Variants in SPAG16 observed in about 807,000 individuals in gnomAD.
SPAG16 encodes the protein sperm-associated antigen 16 protein.
Under a neutral mutation model 80.4 loss-of-function variants are expected in SPAG16, and 86 were observed. The observed-to-expected ratio is 1.07, with a 90% CI of 0.90 to 1.28. The LOEUF is 1.28. Ranked by LOEUF, SPAG16 falls within the 50% of genes most tolerant of loss-of-function variation. The pLI, the probability that SPAG16 is intolerant of heterozygous loss-of-function variation, is 0.00. For synonymous variants in SPAG16, 294 were observed against 265.9 expected, an observed-to-expected ratio of 1.11 and a Z score of -1.03; for missense variants, 870 against 765.3, an observed-to-expected ratio of 1.14 and a Z score of -1.61.
intron 11 of SPAG16, among the ~76,000 whole-genome samples, chr2:213,909,971 T>C (rs1025677955): frequency 6.6e-6 from 1 of 152,254 alleles, no homozygotes; most frequent in Non-Finnish European, 1.5e-5. Flanking sequence ...TTAATATTTT[T>C]ATGTAATCTA....
intron 13 of SPAG16, among the ~76,000 whole-genome samples, chr2:214,100,176 A>G (rs1481617784): frequency 6.6e-6 from 1 of 151,906 alleles, no homozygotes. Context: ...GCTGCCATGT[A>G]AGACATGCCT....
chr2:213,489,961 A>G lies in SPAG16; in HGVS notation c.943-2A>G, dbSNP rs200831653. The G allele has an allele frequency of 4.4e-6, 7 of 1,595,524 alleles. No homozygotes were observed. The highest frequency in any genetic ancestry group is 1.1e-5 in the South Asian group (1 of 87,114). On this transcript the variant is annotated splice_acceptor_variant, in intron 9 of 15. Transcript: ENST00000331683. LOFTEE classifies it high-confidence loss of function. ...GAGCTCTTGTTTAATTTTTTTCTCT[A>G]GGATTCAGAATTTCCCATAGATATG...
intron 11 of SPAG16, among the ~76,000 whole-genome samples, chr2:213,923,494 G>A (rs1236288699): frequency 6.6e-6 from 1 of 152,204 alleles, no homozygotes; most frequent in Non-Finnish European, 1.5e-5. Context: ...TACTGTCCAG[G>A]TGTTTCCTGG....
chr2:214,149,373 G>T, intron 15 of SPAG16, 107 bp downstream of exon 15: 1 of 1,079,732 alleles, frequency 9.3e-7, no homozygotes, highest in East Asian at 3.9e-5. Flanking sequence ...GTAAATGTCT[G>T]TTCTTAATAT....
intron 15 of SPAG16, among the ~76,000 whole-genome samples, chr2:214,187,081 GA>G (rs1388044305): frequency 6.6e-6 from 1 of 152,084 alleles, no homozygotes; most frequent in Non-Finnish European, 1.5e-5. Flanking sequence ...GTTTCAACAG[GA>G]GGGATAAATA....
At chr2:214,195,303 T>TGATAGATAGATAGATAGATAGATAGACA (rs2057795734) in intron 15 of SPAG16, among the ~76,000 whole-genome samples, 1 of 146,662 alleles carries the variant, frequency 6.8e-6, no homozygotes, top group Admixed American at 6.9e-5. Flanking sequence ...AGATGAGAGA[T>TGATAGATAGATAGATAGATAGATAGACA]GATAGATAGA....
Position 213,485,624 on chromosome 2 carries a change from C to A in SPAG16, c.943-4339C>A, listed in dbSNP as rs568725280. Among the ~76,000 whole-genome samples, 10 of 151,632 alleles carry A rather than the reference C, an allele frequency of 6.6e-5. 2 individuals are homozygous for A. In the South Asian group the frequency reaches 2.1e-3, roughly 32 times the overall value. ...ATCCTTGGAGTGGAAGCAATGTATTCTACTTATATTTGTGACCTAGTAATT... is the reference window on the plus strand; with the variant it reads ...ATCCTTGGAGTGGAAGCAATGTATTATACTTATATTTGTGACCTAGTAATT... On this transcript the variant is annotated intron_variant, in intron 9 of 15. Coordinates refer to ENST00000331683, the MANE Select transcript of SPAG16 (RefSeq NM_024532.5).
chr2:213,924,366 ACT>A (rs1279837653), intron 11 of SPAG16, among the ~76,000 whole-genome samples: 2 of 151,890 alleles, frequency 1.3e-5, no homozygotes, highest in African/African-American at 4.8e-5. Flanking sequence ...GGGAGCTCTC[ACT>A]CTCTCACCCT....
At chr2:213,416,360 G>T (rs1291804352) in intron 9 of SPAG16, among the ~76,000 whole-genome samples, 2 of 152,188 alleles carry the variant, frequency 1.3e-5, no homozygotes, top group Non-Finnish European at 2.9e-5. Context: ...GAGACTCGGG[G>T]TAGGGTCCCA....
chr2:213,626,641 A>AGTTTTTT (rs1213389671), intron 10 of SPAG16, among the ~76,000 whole-genome samples: 2 of 98,980 alleles, frequency 2.0e-5, no homozygotes, highest in African/African-American at 7.9e-5. Context: ...ATCGGGCTCA[A>AGTTTTTT]TTTTTTTTTT....
chr2:214,063,633 A>G (rs2050389931), intron 13 of SPAG16, among the ~76,000 whole-genome samples: 1 of 152,178 alleles, frequency 6.6e-6, no homozygotes, highest in South Asian at 2.1e-4. Context: ...AGGTTTCAAC[A>G]TATGAATTTT....
At position 213,643,390 on chromosome 2, in the gene SPAG16, ATATATATATATATATATATATT is replaced by A. The variant is rs1559337937; in HGVS notation, c.1070+153302_1070+153323del. 1.1e-3 allele frequency among the ~76,000 whole-genome samples: 79 copies of A among 72,612 alleles called. 4 individuals carry two copies. Among genetic ancestry groups the A allele is most frequent in the Middle Eastern group, 6.5e-3 (1 of 154 alleles). 47.6% of individuals were successfully genotyped at this position (72,612 alleles called of 152,430 possible). ...TATATATATATATATATATATATAT[ATATATATATATATATATATATT>A]TTATCTCTTGCTGCTGTTATGATCC... is the stretch of plus-strand genomic sequence containing the variant. On this transcript the variant is annotated intron_variant, in intron 10 of 15. Transcript: ENST00000331683.
intron 12 of SPAG16, among the ~76,000 whole-genome samples, chr2:213,955,989 A>G (rs138605961): frequency 0.013 from 1,985 of 151,070 alleles, 41 homozygotes; most frequent in African/African-American, 0.046. Flanking sequence ...TTATTTTTTG[A>G]GATGGAGTTT....
intron 5 of SPAG16, among the ~76,000 whole-genome samples, chr2:213,329,224 T>G (rs2063979543): frequency 6.6e-6 from 1 of 152,204 alleles, no homozygotes; most frequent in Admixed American, 6.5e-5. Flanking sequence ...GAAAGTGACT[T>G]TAGAACTGGG....
intron 6 of SPAG16, among the ~76,000 whole-genome samples, chr2:213,345,968 G>C (rs990457112): frequency 5.3e-5 from 8 of 152,126 alleles, no homozygotes; most frequent in African/African-American, 1.9e-4. Context: ...AAATTACCTT[G>C]GGCAGTATGG....
At chr2:213,308,740 C>G (rs1235886399) in intron 3 of SPAG16, among the ~76,000 whole-genome samples, 3 of 152,076 alleles carry the variant, frequency 2.0e-5, no homozygotes, top group African/African-American at 7.2e-5. Flanking sequence ...CTAAAGTGGT[C>G]TTATATCTGG....
At position 213,590,150 on chromosome 2, in the gene SPAG16, C is replaced by G. The variant is rs1246781374; in HGVS notation, c.1070+100060C>G. Among the ~76,000 whole-genome samples, 3 of 151,894 alleles carry G rather than the reference C, an allele frequency of 2.0e-5. No individual in the cohort carries two copies. The East Asian group carries it at 5.8e-4, about 29-fold the overall frequency. Reference sequence around the variant, plus strand: ...TATGAAAATCAGGCTAGAAAATGGCCAAATTCCTATAAAAGCTGTAACACC... The same window carrying G: ...TATGAAAATCAGGCTAGAAAATGGCGAAATTCCTATAAAAGCTGTAACACC... On this transcript the variant is annotated intron_variant, in intron 10 of 15. Transcript: ENST00000331683.
chr2:213,982,967 A>G (rs1389134634), intron 12 of SPAG16, among the ~76,000 whole-genome samples: 4 of 152,014 alleles, frequency 2.6e-5, no homozygotes, highest in African/African-American at 9.7e-5. Context: ...AATTAATTCT[A>G]ATCATCCAAA....
chr2:214,190,118 C>A (rs754663048), intron 15 of SPAG16, among the ~76,000 whole-genome samples: 4 of 152,050 alleles, frequency 2.6e-5, no homozygotes, highest in Non-Finnish European at 2.9e-5. Flanking sequence ...AGCCACACAC[C>A]TGTCACTCTC....
Sources: allele counts gnomAD v4.1 joint callset (sites outside exome capture counted in the v4.1 genomes callset), GRCh38; gene constraint gnomAD v4.1.1; transcripts MANE v1.5; gene names NCBI Gene and HGNC (gene_info 2026-07-23, HGNC 2026-07-21).